MAF: variants seen among roughly 807,000 people sequenced by gnomAD.
The protein encoded by MAF is MAF bZIP transcription factor, also known as transcription factor Maf.
In MAF, 10 loss-of-function variants were observed where a neutral mutation model predicts 22.0. That is an observed-to-expected ratio of 0.45 (90% CI 0.28 to 0.77). The LOEUF is 0.77. Ranked by LOEUF, MAF falls within the 30% of genes least tolerant of loss-of-function variation. MAF has a pLI of 0.12. For synonymous variants in MAF, 337 were observed against 255.8 expected, an observed-to-expected ratio of 1.32 and a Z score of -3.03; for missense variants, 544 against 548.4, an observed-to-expected ratio of 0.99 and a Z score of 0.08.
At chr16:79,228,545 T>C in the MAF span, among the ~76,000 whole-genome samples, 1 of 152,088 alleles carries the variant, frequency 6.6e-6, no homozygotes, top group African/African-American at 2.4e-5. Context: ...TCTTCACACA[T>C]TGATCTTCCT....
chr16:79,266,633 T>A, the MAF span, among the ~76,000 whole-genome samples: 1 of 152,238 alleles, frequency 6.6e-6, no homozygotes, highest in African/African-American at 2.4e-5. Flanking sequence ...TATATAAGAA[T>A]TAAGCTTCCA....
intron 1 of MAF, chr16:79,595,290 C>G: frequency 2.9e-6 from 3 of 1,049,362 alleles, no homozygotes; most frequent in Non-Finnish European, 3.5e-6. Flanking sequence ...AGGTTACACA[C>G]TGTCTTCGTG....
At chr16:79,293,876 A>T in the MAF span, among the ~76,000 whole-genome samples, 1 of 151,964 alleles carries the variant, frequency 6.6e-6, no homozygotes, top group African/African-American at 2.4e-5. Context: ...AGAGAAAGAG[A>T]GGAGAAAAGC....
the MAF span, among the ~76,000 whole-genome samples, chr16:79,346,423 A>G: frequency 6.6e-6 from 1 of 152,140 alleles, no homozygotes; most frequent in African/African-American, 2.4e-5. Flanking sequence ...ATTGGCTACA[A>G]TGAATACTGC....
At chr16:79,506,504 C>T in the MAF span, among the ~76,000 whole-genome samples, 1 of 152,170 alleles carries the variant, frequency 6.6e-6, no homozygotes, top group Non-Finnish European at 1.5e-5. Flanking sequence ...TGCATGGGAA[C>T]TGGAATCATG....
At chr16:79,205,756 C>T in the MAF span, 1 of 152,092 alleles carries the variant, frequency 6.6e-6, no homozygotes, top group South Asian at 2.1e-4. Flanking sequence ...TTGTGGGAGT[C>T]AGTTGTCAGG....
the MAF span, among the ~76,000 whole-genome samples, chr16:79,527,190 T>C: frequency 6.6e-6 from 1 of 152,176 alleles, no homozygotes; most frequent in African/African-American, 2.4e-5. Flanking sequence ...TAGATTGGTC[T>C]TCGTCCCCTA....
At chr16:79,487,328 A>C in the MAF span, among the ~76,000 whole-genome samples, 3 of 152,172 alleles carry the variant, frequency 2.0e-5, no homozygotes, top group African/African-American at 7.2e-5. Context: ...GACGGAAAGC[A>C]GCCTGAGGGA....
At chr16:79,554,427 AG>A in the MAF span, among the ~76,000 whole-genome samples, 3 of 152,238 alleles carry the variant, frequency 2.0e-5, no homozygotes, top group Non-Finnish European at 4.4e-5. Flanking sequence ...GCTGAGACAG[AG>A]GAAAAGACTC....
the MAF span, among the ~76,000 whole-genome samples, chr16:79,482,734 G>A: frequency 2.6e-5 from 4 of 152,044 alleles, no homozygotes; most frequent in African/African-American, 4.8e-5. Context: ...CCGCTGAGCA[G>A]GGCTGCCTCT....
At chr16:79,568,052 C>A in the MAF span, among the ~76,000 whole-genome samples, 1 of 152,106 alleles carries the variant, frequency 6.6e-6, no homozygotes, top group African/African-American at 2.4e-5. Context: ...TCATTAATCA[C>A]CTCGGAAAGC....
the MAF span, among the ~76,000 whole-genome samples, chr16:79,561,423 G>A: frequency 4.0e-5 from 6 of 151,128 alleles, no homozygotes; most frequent in African/African-American, 9.7e-5. Context: ...CCATTAACTC[G>A]TCATTTACCA....
At chr16:79,469,076 T>C in the MAF span, among the ~76,000 whole-genome samples, 1 of 152,188 alleles carries the variant, frequency 6.6e-6, no homozygotes, top group Non-Finnish European at 1.5e-5. Context: ...GTGTCCCAAG[T>C]GCCCAAGGGC....
chr16:79,401,020 G>A, the MAF span, among the ~76,000 whole-genome samples: 1 of 152,168 alleles, frequency 6.6e-6, no homozygotes, highest in Non-Finnish European at 1.5e-5. Context: ...CCGCTGATAA[G>A]GAGTCTTGGC....
At chr16:79,572,323 C>A in the MAF span, among the ~76,000 whole-genome samples, 4 of 152,126 alleles carry the variant, frequency 2.6e-5, no homozygotes, top group Non-Finnish European at 4.4e-5. Context: ...ATGGCAGGCA[C>A]GTGACCAAAT....
chr16:79,224,774 G>C, the MAF span, among the ~76,000 whole-genome samples: 12 of 152,204 alleles, frequency 7.9e-5, no homozygotes, highest in Middle Eastern at 3.4e-3. Context: ...GCTACAAAGA[G>C]AATAAAATAC....
the MAF span, among the ~76,000 whole-genome samples, chr16:79,372,396 G>A: frequency 2.2e-4 from 33 of 152,172 alleles, no homozygotes; most frequent in Non-Finnish European, 4.0e-4. Flanking sequence ...TAAATGTAAT[G>A]TCTACCCTGG....
the MAF span, among the ~76,000 whole-genome samples, chr16:79,492,134 G>C: frequency 6.6e-6 from 1 of 152,210 alleles, no homozygotes; most frequent in African/African-American, 2.4e-5. Flanking sequence ...GCAGGCACGG[G>C]CATGAGAGTT....
the MAF span, among the ~76,000 whole-genome samples, chr16:79,486,866 G>C: frequency 6.6e-6 from 1 of 152,206 alleles, no homozygotes; most frequent in Non-Finnish European, 1.5e-5. Context: ...CATACTCGTA[G>C]CTACTCCATG....
Sources: allele counts gnomAD v4.1 joint callset (sites outside exome capture counted in the v4.1 genomes callset), GRCh38; gene constraint gnomAD v4.1.1; transcripts MANE v1.5; gene names NCBI Gene and HGNC (gene_info 2026-07-23, HGNC 2026-07-21).